JAKMIP2: variants seen among roughly 807,000 people sequenced by gnomAD.
JAKMIP2 encodes janus kinase and microtubule interacting protein 2, also known as janus kinase and microtubule-interacting protein 2.
JAKMIP2 carries 25 observed loss-of-function variants against 115.0 expected under a neutral mutation model. That is an observed-to-expected ratio of 0.22 (90% confidence interval 0.16 to 0.30). The LOEUF (loss-of-function observed/expected upper bound fraction) is 0.30, where lower values mean the gene tolerates loss of function less well. Ranked by LOEUF, JAKMIP2 falls within the 10% of genes least tolerant of loss-of-function variation. The pLI is 1.00. For missense variants in JAKMIP2, 642 were observed against 957.6 expected (o/e 0.67, Z 4.35); for synonymous variants, 334 against 343.6 (o/e 0.97, Z 0.31).
intron 1 of JAKMIP2, among the ~76,000 whole-genome samples, chr5:147,734,333 T>C (rs1482886930): frequency 6.6e-6 from 1 of 152,164 alleles, no homozygotes; most frequent in East Asian, 1.9e-4. Context: ...TAAAAAATAA[T>C]GAGTTCATGT....
chr5:147,626,423 A>G (rs749497557), intron 16 of JAKMIP2, among the ~76,000 whole-genome samples: 2 of 152,142 alleles, frequency 1.3e-5, no homozygotes, highest in Non-Finnish European at 2.9e-5. Context: ...TGCAAAGCCT[A>G]TTTCCCACAG....
At chr5:147,744,020 T>G in intron 1 of JAKMIP2, among the ~76,000 whole-genome samples, 1 of 138,222 alleles carries the variant, frequency 7.2e-6, no homozygotes, top group African/African-American at 2.9e-5. Context: ...CCTTCCTTCC[T>G]TCCTTCCTTC....
chr5:147,729,838 G>T, intron 1 of JAKMIP2, among the ~76,000 whole-genome samples: 1 of 151,460 alleles, frequency 6.6e-6, no homozygotes. Flanking sequence ...TCTGAACAAA[G>T]CAGAGGAAAC....
intron 1 of JAKMIP2, among the ~76,000 whole-genome samples, chr5:147,775,406 C>G (rs1284316904): frequency 6.6e-6 from 1 of 152,094 alleles, no homozygotes; most frequent in Admixed American, 6.5e-5. Context: ...ATATAACTTG[C>G]TGCTTATAAT....
At chr5:147,645,031 T>C in intron 5 of JAKMIP2, 35 bp from the exon 6 acceptor site, 1 of 1,607,806 alleles carries the variant, frequency 6.2e-7, no homozygotes, top group Non-Finnish European at 8.5e-7. Context: ...GTGTCTTGCG[T>C]TTGGGGGACG....
intron 20 of JAKMIP2, among the ~76,000 whole-genome samples, chr5:147,602,982 C>T (rs935228121): frequency 2.2e-4 from 34 of 152,080 alleles, no homozygotes; most frequent in Non-Finnish European, 4.7e-4. Flanking sequence ...TTCTTCATTC[C>T]TTGAAGGTAG....
chr5:147,760,551 A>G (rs1754899171), intron 1 of JAKMIP2, among the ~76,000 whole-genome samples: 1 of 152,154 alleles, frequency 6.6e-6, no homozygotes, highest in Non-Finnish European at 1.5e-5. Context: ...TTAAGCATCA[A>G]GGGACATAGT....
At position 147,631,499 on chromosome 5, in the gene JAKMIP2, G is replaced by A. The variant is rs1757347311; in HGVS notation, c.1789C>T (p.Arg597Ter). Residue 597 changes from arginine to a stop codon, truncating the protein, a stop_gained, in exon 14 of 22, where the codon CGA becomes TGA. Transcript: ENST00000616793. LOFTEE classifies it high-confidence loss of function. ...ATTTGGAGATTAAATGGAGGGGATC[G>A]TCTCTCTCTCTCCTTGAAACACAGT... The part of the protein sequence containing the change: ...RNLELEERER[R>*]SPPFNLQIHP... The A allele has an allele frequency of 1.9e-6, 3 of 1,604,604 alleles. No individual in the cohort carries two copies. The highest frequency in any genetic ancestry group is 2.6e-6 in the Non-Finnish European group (3 of 1,171,832).
intron 1 of JAKMIP2, among the ~76,000 whole-genome samples, chr5:147,748,651 C>A (rs1754440821): frequency 6.6e-6 from 1 of 152,012 alleles, no homozygotes; most frequent in African/African-American, 2.4e-5. Flanking sequence ...TTTGTCACCA[C>A]ATGTACAATA....
At chr5:147,657,045 C>A (rs958870325) in intron 3 of JAKMIP2, among the ~76,000 whole-genome samples, 6 of 152,038 alleles carry the variant, frequency 3.9e-5, no homozygotes, top group Non-Finnish European at 8.8e-5. Context: ...TTTGGGAGGC[C>A]GAGGCGGGTG....
In JAKMIP2 at chr5:147,586,377, T is replaced by C. The variant is rs2126529339; in HGVS notation, c.*5330A>G. ...AAGTTGCTATGGTTAATGGCTGGTA[T>C]AGGCACAGTCTGTGAGATGTCAGTC... On this transcript the variant is annotated 3_prime_UTR_variant, in exon 22 of 22. Transcript: ENST00000616793. The C allele has an allele frequency of 6.6e-6, 1 of 152,254 alleles. No homozygotes were observed. Among genetic ancestry groups the C allele is most frequent in the Admixed American group, 6.5e-5 (1 of 15,292 alleles). The allele number at this position is 152,254 out of a possible 1,614,324, so 9.4% of individuals were successfully genotyped here. A position where few individuals can be genotyped will look rare whatever the true frequency, so the allele number is the denominator to read the frequency against.
At chr5:147,740,950 T>C (rs1423725015) in intron 1 of JAKMIP2, among the ~76,000 whole-genome samples, 3 of 152,076 alleles carry the variant, frequency 2.0e-5, no homozygotes, top group Non-Finnish European at 2.9e-5. Flanking sequence ...AGCTGGAAGG[T>C]CCAATAAGAT....
intron 21 of JAKMIP2, among the ~76,000 whole-genome samples, chr5:147,592,490 G>C (rs888772638): frequency 3.3e-5 from 5 of 152,168 alleles, no homozygotes; most frequent in Non-Finnish European, 7.3e-5. Context: ...CCATATGTCT[G>C]AGTTTTCACT....
chr5:147,774,041 A>G (rs899753683), intron 1 of JAKMIP2, among the ~76,000 whole-genome samples: 3 of 152,186 alleles, frequency 2.0e-5, no homozygotes, highest in Non-Finnish European at 4.4e-5. Context: ...ATTTTATTTA[A>G]TGAAGTCCTT....
At chr5:147,687,218 C>T (rs1000751053) in intron 1 of JAKMIP2, among the ~76,000 whole-genome samples, 1 of 152,208 alleles carries the variant, frequency 6.6e-6, no homozygotes, top group Non-Finnish European at 1.5e-5. Context: ...GGTCACTGTG[C>T]AAATCTATTT....
At chr5:147,702,549 GAA>G (rs1258423729) in intron 1 of JAKMIP2, among the ~76,000 whole-genome samples, 1 of 121,628 alleles carries the variant, frequency 8.2e-6, no homozygotes. Context: ...GAGAGACAAA[GAA>G]AGAAGAAAGA....
intron 20 of JAKMIP2, among the ~76,000 whole-genome samples, chr5:147,607,363 ATTGAGTG>A (rs1176917975): frequency 2.0e-5 from 3 of 152,164 alleles, no homozygotes; most frequent in African/African-American, 7.2e-5. Flanking sequence ...TACCTAGTTT[ATTGAGTG>A]TTTTTAGCAT....
chr5:147,774,904 A>G (rs976408851), intron 1 of JAKMIP2, among the ~76,000 whole-genome samples: 1 of 152,148 alleles, frequency 6.6e-6, no homozygotes, highest in African/African-American at 2.4e-5. Context: ...GAGTCATAAT[A>G]ATCTCAGCAA....
intron 1 of JAKMIP2, among the ~76,000 whole-genome samples, chr5:147,699,428 T>TTACATTGG (rs1752237297): frequency 6.6e-6 from 1 of 151,988 alleles, no homozygotes. Flanking sequence ...GGGAAGTTGT[T>TTACATTGG]TACATTGGTG....
Sources: allele counts gnomAD v4.1 joint callset (sites outside exome capture counted in the v4.1 genomes callset), GRCh38; gene constraint gnomAD v4.1.1; transcripts MANE v1.5; gene names NCBI Gene and HGNC (gene_info 2026-07-23, HGNC 2026-07-21).